The following KCNIP4 variants were observed in gnomAD, a reference collection of about 807,000 sequenced individuals.
KCNIP4 encodes potassium voltage-gated channel interacting protein 4.
A neutral mutation model predicts 34.0 loss-of-function variants in KCNIP4; 12 were observed. The observed-to-expected ratio is 0.35, with a 90% CI of 0.23 to 0.57. The LOEUF (loss-of-function observed/expected upper bound fraction) is 0.57. KCNIP4 is among the 20% of genes least tolerant of loss of function. KCNIP4 has a pLI of 0.83. For synonymous variants in KCNIP4, 124 were observed against 102.2 expected, an observed-to-expected ratio of 1.21 and a Z score of -1.29; for missense variants, 238 against 311.7, an observed-to-expected ratio of 0.76 and a Z score of 1.78.
At chr4:21,197,826 T>C (rs181000296) in intron 1 of KCNIP4, among the ~76,000 whole-genome samples, 5 of 152,154 alleles carry the variant, frequency 3.3e-5, no homozygotes, top group Non-Finnish European at 7.4e-5. Context: ...AGTTATTATT[T>C]ACAGTTCTAG....
chr4:21,731,568 TTAAGA>T (rs1715605800), intron 1 of KCNIP4, among the ~76,000 whole-genome samples: 1 of 152,122 alleles, frequency 6.6e-6, no homozygotes, highest in Non-Finnish European at 1.5e-5. Flanking sequence ...TATTATTAAA[TTAAGA>T]TATTTTTTAT....
chr4:21,751,544 T>C (rs1275082812), intron 1 of KCNIP4, among the ~76,000 whole-genome samples: 2 of 152,146 alleles, frequency 1.3e-5, no homozygotes, highest in African/African-American at 4.8e-5. Context: ...CTGACAATTG[T>C]TGAAGCTAGG....
intron 1 of KCNIP4, among the ~76,000 whole-genome samples, chr4:21,463,496 A>C (rs1347387054): frequency 2.6e-5 from 4 of 152,200 alleles, no homozygotes; most frequent in East Asian, 3.9e-4. Flanking sequence ...AAATGGAATC[A>C]TAAAAGATGT....
intron 1 of KCNIP4, among the ~76,000 whole-genome samples, chr4:21,483,253 A>C (rs2109838989): frequency 6.6e-6 from 1 of 151,932 alleles, no homozygotes; most frequent in Non-Finnish European, 1.5e-5. Flanking sequence ...ATAAAGAAAT[A>C]AAAGGTTGAA....
intron 1 of KCNIP4, among the ~76,000 whole-genome samples, chr4:21,305,545 C>T (rs1418730440): frequency 1.3e-5 from 2 of 152,134 alleles, no homozygotes; most frequent in African/African-American, 2.4e-5. Context: ...AAGTGCAGTC[C>T]TCCTCTTATC....
At chr4:21,422,560 A>T (rs377521532) in intron 1 of KCNIP4, among the ~76,000 whole-genome samples, 22 of 152,212 alleles carry the variant, frequency 1.4e-4, no homozygotes, top group African/African-American at 5.3e-4. Context: ...TTAAGGGAAG[A>T]TCTCATAAAG....
chr4:20,947,131 G>C (rs1026450048), intron 1 of KCNIP4, among the ~76,000 whole-genome samples: 1 of 151,962 alleles, frequency 6.6e-6, no homozygotes, highest in Admixed American at 6.6e-5. Flanking sequence ...TCTAACTTAC[G>C]TGACTTTGCC....
intron 2 of KCNIP4, among the ~76,000 whole-genome samples, chr4:20,871,363 T>A (rs1188157158): frequency 6.6e-6 from 1 of 151,930 alleles, no homozygotes; most frequent in Non-Finnish European, 1.5e-5. Context: ...ACTATATAAG[T>A]AATATTAAGA....
At chr4:20,853,972 T>G (rs1721308253) in intron 2 of KCNIP4, among the ~76,000 whole-genome samples, 1 of 152,018 alleles carries the variant, frequency 6.6e-6, no homozygotes, top group Admixed American at 6.6e-5. Flanking sequence ...ACAATGGCCA[T>G]AATCAAAAAA....
intron 1 of KCNIP4, among the ~76,000 whole-genome samples, chr4:21,399,270 C>G (rs987903561): frequency 5.3e-5 from 8 of 152,164 alleles, no homozygotes; most frequent in Admixed American, 1.3e-4. Flanking sequence ...CCAAAGAGGG[C>G]CAATGAGGCA....
At chr4:20,999,442 T>TTG (rs1560634292) in intron 1 of KCNIP4, among the ~76,000 whole-genome samples, 7 of 127,012 alleles carry the variant, frequency 5.5e-5, no homozygotes, top group African/African-American at 2.1e-4. Flanking sequence ...TTTTTTGTTT[T>TTG]TTTTTTTTTT....
At chr4:21,591,536 G>T (rs1313298052) in intron 1 of KCNIP4, among the ~76,000 whole-genome samples, 1 of 151,806 alleles carries the variant, frequency 6.6e-6, no homozygotes. Flanking sequence ...AATTATGATT[G>T]CCCTATAACT....
At chr4:20,876,795 A>G (rs997593201) in intron 2 of KCNIP4, among the ~76,000 whole-genome samples, 48 of 152,074 alleles carry the variant, frequency 3.2e-4, no homozygotes, top group Admixed American at 2.0e-4. Context: ...GCTGGTCTCC[A>G]TCTCTTAACC....
At position 21,590,981 on chromosome 4, in the gene KCNIP4, A is replaced by C. The variant is rs149610969; in HGVS notation, c.61+357590T>G. The stretch of plus-strand genomic sequence containing the variant: ...TGTATTAATACTTAGAAATGGGTAA[A>C]ACACACAAGAACACTATACCTTGTC... On this transcript the variant is annotated intron_variant, in intron 1 of 8. Coordinates refer to ENST00000382152, the MANE Select transcript of KCNIP4 (RefSeq NM_025221.6). 6.0e-3 allele frequency among the ~76,000 whole-genome samples: 909 copies of C among 152,118 alleles called. 14 individuals carry two copies. Among genetic ancestry groups the C allele is most frequent in the African/African-American group, 0.021 (854 of 41,560 alleles).
At chr4:21,573,276 A>G (rs1335502175) in intron 1 of KCNIP4, among the ~76,000 whole-genome samples, 4 of 152,160 alleles carry the variant, frequency 2.6e-5, no homozygotes, top group Admixed American at 6.5e-5. Context: ...CACTAAAACT[A>G]CATGAATCAG....
intron 1 of KCNIP4, among the ~76,000 whole-genome samples, chr4:21,393,335 T>C (rs1331312683): frequency 6.6e-6 from 1 of 152,222 alleles, no homozygotes; most frequent in East Asian, 1.9e-4. Context: ...TGAATTTAAC[T>C]CTAAAGTCTT....
chr4:21,708,498 C>T (rs1200192743), intron 1 of KCNIP4, among the ~76,000 whole-genome samples: 1 of 151,994 alleles, frequency 6.6e-6, no homozygotes, highest in East Asian at 1.9e-4. Flanking sequence ...AGCCAAATAC[C>T]ATCTTGGAAT....
chr4:21,392,054 T>G (rs1722605140), intron 1 of KCNIP4, among the ~76,000 whole-genome samples: 1 of 152,064 alleles, frequency 6.6e-6, no homozygotes, highest in Admixed American at 6.6e-5. Flanking sequence ...ACAAAAAAGG[T>G]ATTTCTGATA....
intron 1 of KCNIP4, among the ~76,000 whole-genome samples, chr4:21,787,263 G>A (rs1480573291): frequency 6.6e-6 from 1 of 152,158 alleles, no homozygotes; most frequent in African/African-American, 2.4e-5. Context: ...TTCTCATGAT[G>A]CATATGCAAT....
Sources: allele counts gnomAD v4.1 joint callset (sites outside exome capture counted in the v4.1 genomes callset), GRCh38; gene constraint gnomAD v4.1.1; transcripts MANE v1.5; gene names NCBI Gene and HGNC (gene_info 2026-07-23, HGNC 2026-07-21).